CTNNA3: variants seen among roughly 807,000 people sequenced by gnomAD.
CTNNA3 encodes the protein catenin alpha 3, also known as catenin alpha-3.
Under a neutral mutation model 95.7 loss-of-function variants are expected in CTNNA3, and 76 were observed. The observed-to-expected ratio is 0.79, with a 90% confidence interval of 0.66 to 0.96. The LOEUF is 0.96. Ranked by LOEUF, CTNNA3 falls within the 40% of genes least tolerant of loss-of-function variation. CTNNA3 has a pLI of 0.00. For synonymous variants in CTNNA3, 431 were observed against 374.4 expected (o/e 1.15, Z -1.74); for missense variants, 1,191 against 1,089.8 (o/e 1.09, Z -1.31).
chr10:66,981,569 C>T (rs1279270221), intron 7 of CTNNA3, among the ~76,000 whole-genome samples: 2 of 152,164 alleles, frequency 1.3e-5, no homozygotes, highest in African/African-American at 4.8e-5. Flanking sequence ...CATTTTCTTC[C>T]TTCTGTAGCT....
intron 3 of CTNNA3, among the ~76,000 whole-genome samples, chr10:67,587,905 AT>A (rs1051066257): frequency 5.9e-5 from 9 of 151,860 alleles, no homozygotes; most frequent in African/African-American, 1.9e-4. Flanking sequence ...TCCTTTTCAT[AT>A]TTTTTATATA....
At chr10:66,215,351 T>C (rs1388128181) in intron 13 of CTNNA3, among the ~76,000 whole-genome samples, 1 of 152,182 alleles carries the variant, frequency 6.6e-6, no homozygotes, top group Non-Finnish European at 1.5e-5. Flanking sequence ...ATCAGTTACC[T>C]CAGGTGATCC....
intron 13 of CTNNA3, among the ~76,000 whole-genome samples, chr10:66,169,159 C>T (rs939039727): frequency 6.6e-6 from 1 of 152,164 alleles, no homozygotes; most frequent in African/African-American, 2.4e-5. Context: ...AATCTGTAGT[C>T]TTTTATCCCT....
intron 7 of CTNNA3, among the ~76,000 whole-genome samples, chr10:67,063,463 G>A (rs750555112): frequency 6.6e-6 from 1 of 152,168 alleles, no homozygotes; most frequent in Non-Finnish European, 1.5e-5. Context: ...AGTTCCAACA[G>A]TGAGGCAGGG....
chr10:66,623,768 T>A (rs1335684599), intron 9 of CTNNA3, among the ~76,000 whole-genome samples: 1 of 152,154 alleles, frequency 6.6e-6, no homozygotes, highest in East Asian at 1.9e-4. Context: ...ACAAACAAGG[T>A]CGAATTTTAA....
chr10:65,932,554 G>A (rs1165409360), intron 17 of CTNNA3, among the ~76,000 whole-genome samples: 1 of 152,142 alleles, frequency 6.6e-6, no homozygotes, highest in Non-Finnish European at 1.5e-5. Context: ...AACACAGATA[G>A]TAAGAGGTAA....
chr10:66,385,659 T>C (rs1224754799), intron 11 of CTNNA3, among the ~76,000 whole-genome samples: 2 of 152,126 alleles, frequency 1.3e-5, no homozygotes, highest in Admixed American at 1.3e-4. Context: ...TTTAGATCAA[T>C]ATCCCTGATG....
intron 9 of CTNNA3, among the ~76,000 whole-genome samples, chr10:66,722,339 C>G (rs960535432): frequency 3.5e-5 from 5 of 144,044 alleles, no homozygotes; most frequent in Middle Eastern, 3.7e-3. Flanking sequence ...GATTGCGACA[C>G]TGCACTCCAG....
chr10:67,485,880 T>C (rs115286858), intron 5 of CTNNA3, among the ~76,000 whole-genome samples: 1,594 of 152,302 alleles, frequency 0.01, 33 homozygotes, highest in African/African-American at 0.036. Context: ...CCAACAGTGA[T>C]CATCTGATAG....
intron 17 of CTNNA3, among the ~76,000 whole-genome samples, chr10:65,942,817 T>G (rs1478979622): frequency 6.6e-6 from 1 of 151,980 alleles, no homozygotes; most frequent in Non-Finnish European, 1.5e-5. Context: ...TAAAAAAACC[T>G]AGATTTAAAT....
Position 66,497,892 on chromosome 10 carries a change from A to G in CTNNA3, c.1531+22725T>C, listed in dbSNP as rs148740776. Among the ~76,000 whole-genome samples the G allele has an allele frequency of 6.0e-3, 907 of 152,224 alleles. 11 individuals carry two copies. Among genetic ancestry groups the G allele is most frequent in the African/African-American group, 0.021 (864 of 41,562 alleles). ...TACCAATCATAAGCCAGAAGAAGAC[A>G]TAGATAATAAAAGTCCACTAGCGAT... On this transcript the variant is annotated intron_variant, in intron 11 of 17. Coordinates refer to ENST00000433211, the MANE Select transcript of CTNNA3 (RefSeq NM_013266.4).
intron 7 of CTNNA3, among the ~76,000 whole-genome samples, chr10:67,080,228 C>T (rs537562130): frequency 6.6e-6 from 1 of 152,142 alleles, no homozygotes; most frequent in Non-Finnish European, 1.5e-5. Flanking sequence ...CCATTTTCTG[C>T]TGGATTGGGT....
At chr10:66,056,873 C>T (rs756906579) in intron 15 of CTNNA3, among the ~76,000 whole-genome samples, 6 of 152,108 alleles carry the variant, frequency 3.9e-5, no homozygotes, top group Non-Finnish European at 8.8e-5. Context: ...TTGACCATAA[C>T]CTCTGCAGCA....
intron 3 of CTNNA3, 37 bp downstream of exon 3, chr10:67,606,820 T>C (rs907843799): frequency 2.0e-6 from 3 of 1,495,334 alleles, no homozygotes; most frequent in Middle Eastern, 1.7e-4. Context: ...ACCCTAAAGA[T>C]ATGCAGTTTG....
intron 9 of CTNNA3, among the ~76,000 whole-genome samples, chr10:66,701,384 G>A (rs1847936698): frequency 6.6e-6 from 1 of 152,102 alleles, no homozygotes; most frequent in Admixed American, 6.5e-5. Context: ...TCAATTACTA[G>A]CCAAATGAAT....
In CTNNA3 at chr10:67,641,351, G is replaced by A. The variant is rs556516270; in HGVS notation, c.99+6064C>T. ...AGAATGGCAATCATTAAAAAGTCAG[G>A]AAAAAACAGGTGCTAGAGAGGATGT... On this transcript the variant is annotated intron_variant, in intron 2 of 17. Transcript: ENST00000433211. Among the ~76,000 whole-genome samples, 6 of 152,202 alleles carry A rather than the reference G, an allele frequency of 3.9e-5. No individual in the cohort carries two copies. In the South Asian group the frequency reaches 1.2e-3, roughly 32 times the overall value.
At chr10:67,279,220 CAATT>C (rs1839301250) in intron 5 of CTNNA3, among the ~76,000 whole-genome samples, 1 of 152,056 alleles carries the variant, frequency 6.6e-6, no homozygotes, top group African/African-American at 2.4e-5. Flanking sequence ...GGACACATAA[CAATT>C]AACCCATCAT....
At chr10:67,415,569 C>T (rs1845512484) in intron 5 of CTNNA3, among the ~76,000 whole-genome samples, 1 of 152,184 alleles carries the variant, frequency 6.6e-6, no homozygotes, top group Admixed American at 6.5e-5. Context: ...AATGACCATA[C>T]TGCCTAAAGC....
intron 9 of CTNNA3, among the ~76,000 whole-genome samples, chr10:66,652,044 A>G (rs1444791713): frequency 1.3e-5 from 2 of 150,888 alleles, no homozygotes; most frequent in African/African-American, 4.8e-5. Context: ...AGCAATAGAC[A>G]CCCATAATAA....
Sources: gnomAD v4.1 joint callset for allele counts (sites outside exome capture counted in the v4.1 genomes callset) on GRCh38, gnomAD v4.1.1 for gene constraint, MANE v1.5 for transcripts, NCBI Gene and HGNC (gene_info 2026-07-23, HGNC 2026-07-21) for gene names.